The following EPYC variants were observed in gnomAD, a reference collection of about 807,000 sequenced individuals.
EPYC encodes dermatan sulfate proteoglycan 3.
Under a neutral mutation model 30.1 loss-of-function variants are expected in EPYC, and 28 were observed. The ratio of observed to expected loss-of-function variants is 0.93; its 90% CI spans 0.69 to 1.28. The LOEUF is 1.28. EPYC is among the 50% of genes most tolerant of loss of function. The pLI, the probability that EPYC is intolerant of heterozygous loss-of-function variation, is 0.00. For synonymous variants in EPYC, 144 were observed against 141.4 expected (o/e 1.02, Z -0.13); for missense variants, 382 against 383.5 (o/e 1.00, Z 0.03).
intron 3 of EPYC, among the ~76,000 whole-genome samples, chr12:90,977,764 A>G (rs1423427764): frequency 2.6e-5 from 4 of 152,070 alleles, no homozygotes; most frequent in Non-Finnish European, 5.9e-5. Context: ...GCTGTGGCCT[A>G]ATCTCAGAGG....
chr12:91,001,783 CTT>C (rs527557255), intron 2 of EPYC, among the ~76,000 whole-genome samples: 1 of 152,096 alleles, frequency 6.6e-6, no homozygotes, highest in African/African-American at 2.4e-5. Context: ...CATTTTAACT[CTT>C]TTCCTTGCTG....
At chr12:90,984,751 T>C (rs1431570916) in intron 2 of EPYC, among the ~76,000 whole-genome samples, 1 of 152,032 alleles carries the variant, frequency 6.6e-6, no homozygotes, top group Non-Finnish European at 1.5e-5. Context: ...ATAAGCCTCC[T>C]CTAATCTCCT....
intron 6 of EPYC, among the ~76,000 whole-genome samples, chr12:90,969,586 T>C (rs148281540): frequency 6.9e-4 from 104 of 150,034 alleles, no homozygotes; most frequent in African/African-American, 2.4e-3. Flanking sequence ...TCTCAGCACA[T>C]AGGAATGCCT....
At chr12:90,966,413 G>A (rs1876896738) in intron 6 of EPYC, among the ~76,000 whole-genome samples, 1 of 151,882 alleles carries the variant, frequency 6.6e-6, no homozygotes, top group African/African-American at 2.4e-5. Flanking sequence ...ATGGTTTTAA[G>A]CCCTTTATTC....
chr12:90,969,225 T>C (rs544687816), intron 6 of EPYC, among the ~76,000 whole-genome samples: 3 of 152,064 alleles, frequency 2.0e-5, no homozygotes, highest in South Asian at 2.1e-4. Flanking sequence ...AAGATAATGT[T>C]AAACTATAAT....
At chr12:91,002,823 T>C (rs1032998175) in intron 1 of EPYC, among the ~76,000 whole-genome samples, 1 of 150,238 alleles carries the variant, frequency 6.7e-6, no homozygotes, top group African/African-American at 2.5e-5. Flanking sequence ...TACAGTAAAA[T>C]TTTATTTTAT....
intron 2 of EPYC, among the ~76,000 whole-genome samples, chr12:90,993,482 G>A (rs1877631236): frequency 6.6e-6 from 1 of 152,124 alleles, no homozygotes; most frequent in Non-Finnish European, 1.5e-5. Context: ...GATAGGAATA[G>A]TGGGAGCAAG....
At chr12:90,973,361 TA>T (rs747338525) in intron 3 of EPYC, among the ~76,000 whole-genome samples, 3 of 152,158 alleles carry the variant, frequency 2.0e-5, no homozygotes, top group Non-Finnish European at 2.9e-5. Context: ...AAATAAAAGA[TA>T]ATAATTATTA....
chr12:91,002,298 T>G, intron 2 of EPYC, 103 bp downstream of exon 2: 1 of 936,102 alleles, frequency 1.1e-6, no homozygotes, highest in Admixed American at 2.6e-5. Context: ...ACATAAAATC[T>G]TTCTACTTAT....
chr12:90,985,555 C>T (rs574725738), intron 2 of EPYC, among the ~76,000 whole-genome samples: 2 of 152,266 alleles, frequency 1.3e-5, no homozygotes, highest in East Asian at 3.9e-4. Context: ...AGTCATGGCT[C>T]TCAGACAAAC....
chr12:90,991,881 A>G (rs1877592793), intron 2 of EPYC, among the ~76,000 whole-genome samples: 1 of 152,190 alleles, frequency 6.6e-6, no homozygotes, highest in Admixed American at 6.5e-5. Flanking sequence ...GGAGACAGAA[A>G]CACTAATTAA....
intron 1 of EPYC, among the ~76,000 whole-genome samples, chr12:91,003,415 T>C (rs1877877114): frequency 6.6e-6 from 1 of 152,092 alleles, no homozygotes. Flanking sequence ...TTGGTAAGAT[T>C]CCCTTGTATG....
At chr12:90,982,225 A>G (rs1877340019) in intron 2 of EPYC, among the ~76,000 whole-genome samples, 1 of 152,132 alleles carries the variant, frequency 6.6e-6, no homozygotes, top group Admixed American at 6.6e-5. Context: ...TAGACTACTG[A>G]TATAAAGTTA....
intron 4 of EPYC, 61 bp downstream of exon 4, chr12:90,972,761 A>G: frequency 1.4e-6 from 2 of 1,414,762 alleles, no homozygotes; most frequent in Non-Finnish European, 1.9e-6. Context: ...AACATTTAAC[A>G]ATGTAAAAAT....
intron 2 of EPYC, among the ~76,000 whole-genome samples, chr12:90,991,507 TA>T (rs35700887): frequency 2.6e-5 from 4 of 152,048 alleles, no homozygotes; most frequent in Non-Finnish European, 4.4e-5. Context: ...AGCAGATTCA[TA>T]AGTTACTGAT....
intron 2 of EPYC, among the ~76,000 whole-genome samples, chr12:90,979,647 AGAG>A (rs1368942603): frequency 6.6e-6 from 1 of 152,122 alleles, no homozygotes; most frequent in Non-Finnish European, 1.5e-5. Flanking sequence ...GTGCTTCCAT[AGAG>A]TCTCTCTATT....
intron 6 of EPYC, among the ~76,000 whole-genome samples, chr12:90,968,522 A>G (rs957763464): frequency 3.9e-5 from 6 of 152,370 alleles, no homozygotes; most frequent in African/African-American, 1.4e-4. Flanking sequence ...TTAAAAATAC[A>G]GAAGTTGAAG....
chr12:90,998,694 T>C (rs1877752541), intron 2 of EPYC, among the ~76,000 whole-genome samples: 1 of 152,172 alleles, frequency 6.6e-6, no homozygotes, highest in Admixed American at 6.5e-5. Context: ...AAAAAACTTT[T>C]AAGTTGTTCT....
chr12:90,966,774 C>T (rs1876906994), intron 6 of EPYC, among the ~76,000 whole-genome samples: 1 of 151,842 alleles, frequency 6.6e-6, no homozygotes, highest in East Asian at 1.9e-4. Flanking sequence ...AGTGGGTTGT[C>T]TTTTTTGGAA....
Sources: allele counts gnomAD v4.1 joint callset (sites outside exome capture counted in the v4.1 genomes callset), GRCh38; gene constraint gnomAD v4.1.1; transcripts MANE v1.5; gene names NCBI Gene and HGNC (gene_info 2026-07-23, HGNC 2026-07-21).